TNFRSF13B: variants seen among roughly 807,000 people sequenced by gnomAD.
The protein encoded by TNFRSF13B is TNF receptor superfamily member 13B, also known as tumor necrosis factor receptor superfamily member 13B.
A neutral mutation model predicts 24.0 loss-of-function variants in TNFRSF13B; 34 were observed. That is an observed-to-expected ratio of 1.41 (90% CI 1.08 to 1.88). The LOEUF is 1.88. Among genes scored for constraint, TNFRSF13B ranks in the 40% most tolerant of loss-of-function variants. The pLI, the probability that TNFRSF13B is intolerant of heterozygous loss-of-function variation, is 0.00. For synonymous variants in TNFRSF13B, 173 were observed against 150.3 expected, an observed-to-expected ratio of 1.15 and a Z score of -1.10; for missense variants, 415 against 380.8, an observed-to-expected ratio of 1.09 and a Z score of -0.75.
chr17:16,960,986 C>A (rs1374110259), intron 1 of TNFRSF13B, among the ~76,000 whole-genome samples: 1 of 152,136 alleles, frequency 6.6e-6, no homozygotes, highest in Non-Finnish European at 1.5e-5. Context: ...AAGTGGTCAA[C>A]AAGCACAAGA....
chr17:16,969,675 A>G (rs1321463296), intron 1 of TNFRSF13B, among the ~76,000 whole-genome samples: 5 of 152,218 alleles, frequency 3.3e-5, no homozygotes, highest in Non-Finnish European at 5.9e-5. Flanking sequence ...ATTTCATGGC[A>G]TGTAAGTTAT....
At chr17:16,946,995 A>T (rs1192455095) in intron 3 of TNFRSF13B, among the ~76,000 whole-genome samples, 1 of 152,138 alleles carries the variant, frequency 6.6e-6, no homozygotes, top group Admixed American at 6.5e-5. Flanking sequence ...TTTGCCTCTA[A>T]ATGGAATCTG....
At chr17:16,944,664 G>C (rs1266227115) in intron 3 of TNFRSF13B, among the ~76,000 whole-genome samples, 2 of 152,174 alleles carry the variant, frequency 1.3e-5, no homozygotes, top group Non-Finnish European at 2.9e-5. Flanking sequence ...GAGACAGTGA[G>C]CTCCATGGGT....
At chr17:16,950,689 C>G (rs2087582728) in intron 2 of TNFRSF13B, among the ~76,000 whole-genome samples, 1 of 152,114 alleles carries the variant, frequency 6.6e-6, no homozygotes, top group South Asian at 2.1e-4. Flanking sequence ...GGTGCTGTTG[C>G]AGGTGGTGCC....
intron 2 of TNFRSF13B, among the ~76,000 whole-genome samples, chr17:16,950,719 ACCCT>A (rs1467842287): frequency 6.6e-6 from 1 of 150,558 alleles, no homozygotes. Context: ...CAGCCCACTG[ACCCT>A]CCCTGCCTGA....
rs1159836375 is a variant in TNFRSF13B, at chr17:16,948,833, T to C, written c.350A>G (p.Glu117Gly). Reference sequence around the variant, plus strand: ...TTCTCCACTCCGCTGTCTCCTGAGCTCTGGTGGAAGGTTCACTGGGCTCCT... The same window carrying C: ...TTCTCCACTCCGCTGTCTCCTGAGCCCTGGTGGAAGGTTCACTGGGCTCCT... Reference protein sequence around the residue: ...KLRSPVNLPPELRRQRSGEVE... With the variant: ...KLRSPVNLPPGLRRQRSGEVE... The change falls in exon 3 of 5, where the codon GAG becomes GGG. Residue 117 changes from glutamate (E) to glycine (G), a missense_variant. Transcript: ENST00000261652. 8.1e-6 allele frequency: 13 copies of C among 1,614,100 alleles called. No individual in the cohort carries two copies. Among genetic ancestry groups the C allele is most frequent in the Non-Finnish European group, 1.1e-5 (13 of 1,180,032 alleles).
At chr17:16,955,486 T>TA (rs1326202144) in intron 1 of TNFRSF13B, among the ~76,000 whole-genome samples, 1 of 152,232 alleles carries the variant, frequency 6.6e-6, no homozygotes, top group African/African-American at 2.4e-5. Flanking sequence ...CTGGAAGATG[T>TA]AATCGAATAA....
chr17:16,945,671 C>T (rs911968609), intron 3 of TNFRSF13B, among the ~76,000 whole-genome samples: 10 of 152,204 alleles, frequency 6.6e-5, no homozygotes, highest in African/African-American at 1.2e-4. Flanking sequence ...CATGGCCCCT[C>T]GCATCTGTGG....
chr17:16,947,409 G>A (rs561470254), intron 3 of TNFRSF13B, among the ~76,000 whole-genome samples: 38 of 152,310 alleles, frequency 2.5e-4, no homozygotes, highest in Non-Finnish European at 5.3e-4. Flanking sequence ...AGTGTAAACA[G>A]GCAACCTACA....
intron 1 of TNFRSF13B, 75 bp downstream of exon 1, chr17:16,971,940 A>C: frequency 6.6e-7 from 1 of 1,509,646 alleles, no homozygotes; most frequent in Non-Finnish European, 9.2e-7. Context: ...TGGACCTTGC[A>C]ACCCCCACGG....
At chr17:16,948,436 C>G (rs910744109) in intron 3 of TNFRSF13B, among the ~76,000 whole-genome samples, 7 of 152,244 alleles carry the variant, frequency 4.6e-5, no homozygotes, top group African/African-American at 1.7e-4. Context: ...GGTGCTCACA[C>G]AGGTGGGTCT....
chr17:16,954,476 A>G (rs867857319), intron 1 of TNFRSF13B, among the ~76,000 whole-genome samples: 41 of 152,228 alleles, frequency 2.7e-4, no homozygotes, highest in African/African-American at 9.4e-4. Flanking sequence ...GAAACCATGC[A>G]AAGCTGACAG....
intron 4 of TNFRSF13B, chr17:16,940,015 AC>A (rs2143641134): frequency 2.1e-6 from 2 of 957,762 alleles, no homozygotes; most frequent in East Asian, 5.3e-5. Flanking sequence ...TCTGTCCAGC[AC>A]CGAGCCTGCC....
chr17:16,960,188 T>G (rs976007595), intron 1 of TNFRSF13B, among the ~76,000 whole-genome samples: 1 of 152,136 alleles, frequency 6.6e-6, no homozygotes, highest in Non-Finnish European at 1.5e-5. Flanking sequence ...GAAAAAGCAC[T>G]TGACTAAATC....
intron 3 of TNFRSF13B, chr17:16,941,380 C>G (rs866167718): frequency 8.1e-6 from 8 of 987,652 alleles, no homozygotes; most frequent in Middle Eastern, 2.8e-4. Flanking sequence ...GGTTTGGATG[C>G]CAGAGACAGA....
intron 1 of TNFRSF13B, among the ~76,000 whole-genome samples, chr17:16,953,640 T>G (rs908833016): frequency 2.1e-4 from 32 of 152,360 alleles, no homozygotes; most frequent in African/African-American, 7.2e-4. Flanking sequence ...CATGTCTGGT[T>G]TTGTGTTACT....
chr17:16,939,902 A>G (rs1262548643), intron 4 of TNFRSF13B, 105 bp from the exon 5 acceptor site: 2 of 1,414,934 alleles, frequency 1.4e-6, no homozygotes, highest in Non-Finnish European at 1.9e-6. Context: ...AGCTAAGGGC[A>G]ATCACCAGCG....
chr17:16,951,834 G>A (rs913034475), intron 2 of TNFRSF13B, among the ~76,000 whole-genome samples: 1 of 152,168 alleles, frequency 6.6e-6, no homozygotes, highest in Non-Finnish European at 1.5e-5. Context: ...GTTGCGGTGA[G>A]CCAAGATCGC....
At chr17:16,960,059 C>T (rs146604905) in intron 1 of TNFRSF13B, among the ~76,000 whole-genome samples, 5 of 151,950 alleles carry the variant, frequency 3.3e-5, no homozygotes, top group African/African-American at 1.2e-4. Context: ...CAAATTGAAC[C>T]CAATGGCACA....
Sources: gnomAD v4.1 joint callset for allele counts (sites outside exome capture counted in the v4.1 genomes callset) on GRCh38, gnomAD v4.1.1 for gene constraint, MANE v1.5 for transcripts, NCBI Gene and HGNC (gene_info 2026-07-23, HGNC 2026-07-21) for gene names.